MSTO1: variants seen among roughly 807,000 people sequenced by gnomAD.
The protein encoded by MSTO1 is protein misato homolog 1.
Under a neutral mutation model 55.7 loss-of-function variants are expected in MSTO1, and 24 were observed. That is an observed-to-expected ratio of 0.43 (90% CI 0.31 to 0.61). The LOEUF (loss-of-function observed/expected upper bound fraction) is 0.61. Ranked by LOEUF, MSTO1 falls within the 20% of genes least tolerant of loss-of-function variation. The pLI, the probability that MSTO1 is intolerant of heterozygous loss-of-function variation, is 0.09. For synonymous variants in MSTO1, 162 were observed against 252.8 expected, an observed-to-expected ratio of 0.64 and a Z score of 3.41; for missense variants, 363 against 625.7, an observed-to-expected ratio of 0.58 and a Z score of 4.48.
chr1:155,610,458 G>C lies in MSTO1; in HGVS notation c.118G>C (p.Glu40Gln), dbSNP rs1479646470. ...AALGRATDSK[E>Q]PPGELCPDVL... ...GCTGGGCCGAGCGACCGATTCCAAG[G>C]AGCCCCCGGGAGAGCTGTGCCCCGA... The change falls in exon 2 of 14, where the codon GAG becomes CAG. Residue 40 changes from glutamate (E) to glutamine (Q), a missense_variant. Glu to Gln is a conservative substitution (Grantham distance 29). Coordinates refer to ENST00000245564, the MANE Select transcript of MSTO1 (RefSeq NM_018116.4). The C allele has an allele frequency of 1.2e-6, 1 of 816,506 alleles. No individual in the cohort carries two copies. 50.6% of individuals were successfully genotyped at this position (816,506 alleles called of 1,614,324 possible).
upstream of MSTO1, among the ~76,000 whole-genome samples, chr1:155,607,422 C>T (rs771548452): frequency 2.6e-5 from 4 of 152,190 alleles, no homozygotes; most frequent in African/African-American, 7.2e-5. Context: ...GATCCGCCTG[C>T]CTCGGCCTCC....
chr1:155,604,131 G>C, the MSTO1 span, among the ~76,000 whole-genome samples: 1 of 152,096 alleles, frequency 6.6e-6, no homozygotes, highest in Non-Finnish European at 1.5e-5. Flanking sequence ...AAATACATCA[G>C]GTCATTATAT....
the MSTO1 span, among the ~76,000 whole-genome samples, chr1:155,585,306 G>A: frequency 1.3e-5 from 2 of 152,098 alleles, no homozygotes; most frequent in African/African-American, 2.4e-5. Flanking sequence ...GGCGGATCAC[G>A]AGGTCAGGAG....
At chr1:155,609,243 A>ATATATATATATATATAT (rs59756178), upstream of MSTO1, among the ~76,000 whole-genome samples, 3 of 54,578 alleles carry the variant, frequency 5.5e-5, no homozygotes, top group South Asian at 1.1e-3. Context: ...ATATATATAT[A>ATATATATATATATATAT]TTTTTTTTTT....
the MSTO1 span, among the ~76,000 whole-genome samples, chr1:155,600,197 C>T: frequency 1.3e-5 from 2 of 152,236 alleles, no homozygotes; most frequent in Admixed American, 1.3e-4. Context: ...AGGCAGAGGT[C>T]CCTGCGGGCT....
intron 4 of MSTO1, 85 bp from the exon 5 acceptor site, chr1:155,611,464 G>C: frequency 6.2e-7 from 1 of 1,613,542 alleles, no homozygotes; most frequent in Non-Finnish European, 8.5e-7. Flanking sequence ...GCTATGCGGT[G>C]TGGCCAGCCA....
the MSTO1 span, chr1:155,598,926 C>T: frequency 3.7e-5 from 51 of 1,377,776 alleles, no homozygotes; most frequent in Non-Finnish European, 5.0e-5. Flanking sequence ...GTAAGAACTT[C>T]CTGTCTTGTC....
At chr1:155,590,768 A>G in the MSTO1 span, 88 of 1,605,812 alleles carry the variant, frequency 5.5e-5, no homozygotes, top group Non-Finnish European at 6.6e-5. Flanking sequence ...GCCCAGCCCA[A>G]GTAGAGGGAG....
At chr1:155,590,276 G>A in the MSTO1 span, among the ~76,000 whole-genome samples, 1 of 152,176 alleles carries the variant, frequency 6.6e-6, no homozygotes, top group African/African-American at 2.4e-5. Context: ...CTTGGGGACA[G>A]TCTGTCTTGT....
Position 155,610,331 on chromosome 1 carries a change from A to G in MSTO1, c.83A>G (p.Gln28Arg), listed in dbSNP as rs746141778. The change falls in exon 1 of 14, where the codon CAG (glutamine) becomes CGG (arginine). Residue 28 changes from glutamine to arginine, a missense_variant and splice_region_variant. Physicochemically the swap from Gln to Arg is conservative, Grantham distance 43. Transcript: ENST00000245564. ...GFVGAHWWNQQDAALGRATDS... is the reference protein window; with the variant it reads ...GFVGAHWWNQRDAALGRATDS... ...GTGGGCGCGCACTGGTGGAACCAGC[A>G]GGTGAGGTCAGCCGGCAGCTGCCCC... is the stretch of plus-strand genomic sequence containing the variant. The G allele has an allele frequency of 1.0e-6, 1 of 956,788 alleles. No individual in the cohort carries two copies. Among genetic ancestry groups the G allele is most frequent in the Admixed American group, 2.6e-5 (1 of 38,196 alleles). The allele number at this position is 956,788 out of a possible 1,614,324, so 59.3% of individuals were successfully genotyped here.
rs776187235 is a variant in MSTO1, at chr1:155,612,253, A to G, written c.750A>G (p.Gln250=). 5 of 1,592,460 alleles carry G rather than the reference A, an allele frequency of 3.1e-6. No homozygotes were observed. The highest frequency in any genetic ancestry group is 4.3e-6 in the Non-Finnish European group (5 of 1,169,018). ...GVGAKAAELL[Q]DEYSGRGIIT... is the part of the protein sequence containing the mutation. ...GCGCGAAGGCGGCAGAGCTGCTACA[A>G]GATGAATATTCAGGGCGGGGAATAA... Residue 250 remains glutamine (Q), a synonymous_variant, in exon 8 of 14, where the codon CAA becomes CAG. Coordinates refer to ENST00000245564, the MANE Select transcript of MSTO1 (RefSeq NM_018116.4).
the MSTO1 span, among the ~76,000 whole-genome samples, chr1:155,567,658 A>G: frequency 1.3e-5 from 2 of 149,710 alleles, no homozygotes; most frequent in East Asian, 4.1e-4. Context: ...CTGGTCTTGA[A>G]CTCCTGGCCT....
upstream of MSTO1, among the ~76,000 whole-genome samples, chr1:155,606,035 C>CT (rs922065836): frequency 1.1e-4 from 16 of 150,962 alleles, no homozygotes; most frequent in African/African-American, 3.6e-4. Flanking sequence ...GTAGATCCAA[C>CT]TTTTTTTTTC....
the MSTO1 span, among the ~76,000 whole-genome samples, chr1:155,595,028 C>T: frequency 6.6e-6 from 1 of 151,450 alleles, no homozygotes; most frequent in East Asian, 2.0e-4. Context: ...ATACCAGCTA[C>T]TTGGGAGGCT....
At position 155,610,232 on chromosome 1, in the gene MSTO1, C is replaced by T. The variant is rs996922922; in HGVS notation, c.-17C>T. 3 of 609,412 alleles carry T rather than the reference C, an allele frequency of 4.9e-6. No individual in the cohort carries two copies. Among genetic ancestry groups the T allele is most frequent in the Admixed American group, 2.9e-5 (1 of 34,886 alleles). 37.8% of individuals were successfully genotyped at this position (609,412 alleles called of 1,614,324 possible). ...GCGGCGCGGCTGAGGCGCGGCGGCC[C>T]CGTGGAGCAGCGCAGTATGGCGGGC... On this transcript the variant is annotated 5_prime_UTR_variant, in exon 1 of 14. Coordinates refer to ENST00000245564, the MANE Select transcript of MSTO1 (RefSeq NM_018116.4).
the MSTO1 span, among the ~76,000 whole-genome samples, chr1:155,589,700 G>A: frequency 3.3e-5 from 5 of 152,018 alleles, no homozygotes; most frequent in South Asian, 2.1e-4. Flanking sequence ...GTTCGAGGGC[G>A]GGAAGCATCT....
chr1:155,575,322 C>T, the MSTO1 span, among the ~76,000 whole-genome samples: 4 of 151,960 alleles, frequency 2.6e-5, 1 homozygote, highest in Admixed American at 2.6e-4. Context: ...GAAGTGGTAT[C>T]TCATTGTGGT....
the MSTO1 span, among the ~76,000 whole-genome samples, chr1:155,600,820 T>G: frequency 2.0e-5 from 3 of 151,400 alleles, no homozygotes; most frequent in East Asian, 2.0e-4. Context: ...GGGACTAAAG[T>G]CACCTGCCAC....
At chr1:155,563,711 T>C in the MSTO1 span, 1 of 371,988 alleles carries the variant, frequency 2.7e-6, no homozygotes, top group South Asian at 2.0e-5. Flanking sequence ...GTTATTTTTG[T>C]TAGTTCCTTA....
Sources: allele counts gnomAD v4.1 joint callset (sites outside exome capture counted in the v4.1 genomes callset), GRCh38; gene constraint gnomAD v4.1.1; transcripts MANE v1.5; gene names NCBI Gene and HGNC (gene_info 2026-07-23, HGNC 2026-07-21).